GABRB3: variants seen among roughly 807,000 people sequenced by gnomAD.
GABRB3 encodes the protein gamma-aminobutyric acid receptor subunit beta-3.
GABRB3 carries 14 observed loss-of-function variants against 52.1 expected under a neutral mutation model. That is an observed-to-expected ratio of 0.27 (90% CI 0.18 to 0.42). GABRB3 has a LOEUF of 0.42. Ranked by LOEUF, GABRB3 falls within the 10% of genes least tolerant of loss-of-function variation. The probability of loss-of-function intolerance (pLI) is 1.00; values close to 1 mark genes in which losing one functional copy is unlikely to be tolerated. For synonymous variants in GABRB3, 260 were observed against 232.3 expected (o/e 1.12, Z -1.08); for missense variants, 307 against 609.1 (o/e 0.50, Z 5.22).
At chr15:26,666,521 C>G (rs948467012) in intron 3 of GABRB3, 2 of 152,218 alleles carry the variant, frequency 1.3e-5, no homozygotes, top group Non-Finnish European at 2.9e-5. Context: ...AGTTCAGAAA[C>G]TACAGGTGAA....
intron 8 of GABRB3, among the ~76,000 whole-genome samples, chr15:26,554,190 A>ATAAAGT (rs1567097853): frequency 3.2e-5 from 1 of 31,540 alleles, no homozygotes; most frequent in African/African-American, 8.5e-5. Flanking sequence ...ATATATATAT[A>ATAAAGT]CTATATATAT....
At chr15:26,678,821 C>T (rs1472761984) in intron 3 of GABRB3, among the ~76,000 whole-genome samples, 2 of 152,246 alleles carry the variant, frequency 1.3e-5, no homozygotes. Context: ...GTTTCTCTGT[C>T]CCAGATGAAA....
chr15:26,550,457 G>A (rs1263057650), intron 8 of GABRB3, among the ~76,000 whole-genome samples: 2 of 152,176 alleles, frequency 1.3e-5, no homozygotes, highest in African/African-American at 4.8e-5. Flanking sequence ...TCTCACCGCA[G>A]TTAGAATGGC....
At position 26,562,553 on chromosome 15, in the gene GABRB3, C is replaced by T. The variant is rs546474624; in HGVS notation, c.836-1377G>A. On this transcript the variant is annotated intron_variant, in intron 7 of 8. Coordinates refer to ENST00000311550, the MANE Select transcript of GABRB3 (RefSeq NM_000814.6). The stretch of plus-strand genomic sequence containing the variant: ...TCCAGATATGTACTCTGGGACGGAG[C>T]CCAGGCCATTCTGCACATGGTCCCA... Among the ~76,000 whole-genome samples the T allele has an allele frequency of 9.2e-5, 14 of 152,308 alleles. No homozygotes were observed. The South Asian group carries it at 2.9e-3, about 32-fold the overall frequency.
chr15:26,599,733 A>G (rs1007912538), intron 4 of GABRB3, among the ~76,000 whole-genome samples: 4 of 152,202 alleles, frequency 2.6e-5, no homozygotes, highest in Admixed American at 1.3e-4. Context: ...AAACAGAAAA[A>G]CAAACAAAAC....
chr15:26,685,799 C>CTT (rs371341373), intron 3 of GABRB3, among the ~76,000 whole-genome samples: 9,470 of 131,034 alleles, frequency 0.072, 406 homozygotes, highest in Middle Eastern at 0.11. Flanking sequence ...GTAAGATGGT[C>CTT]TTTTTTTTTT....
chr15:26,677,229 C>T (rs774880144), intron 3 of GABRB3, among the ~76,000 whole-genome samples: 1 of 152,178 alleles, frequency 6.6e-6, no homozygotes, highest in Non-Finnish European at 1.5e-5. Flanking sequence ...CCCCCAAATA[C>T]GTTCCCTATT....
At chr15:26,736,449 T>C (rs193063717) in intron 3 of GABRB3, among the ~76,000 whole-genome samples, 118 of 152,332 alleles carry the variant, frequency 7.7e-4, no homozygotes, top group African/African-American at 2.6e-3. Flanking sequence ...AAGGAAATAA[T>C]AAAACATGAC....
rs376637193 is a variant in GABRB3 at position 26,596,068 on chromosome 15, C to T, written c.462-12654G>A. On this transcript the variant is annotated intron_variant, in intron 4 of 8. Transcript: ENST00000311550. ...GCCTTTGGGGGTAGGCATGTACAGA[C>T]GTGCCCACTGCAGAACTACCCAACA... 2.0e-4 allele frequency among the ~76,000 whole-genome samples: 31 copies of T among 152,162 alleles called. No homozygotes were observed. The East Asian group carries it at 4.5e-3, about 22-fold the overall frequency.
intron 4 of GABRB3, among the ~76,000 whole-genome samples, chr15:26,606,701 C>T (rs1359013973): frequency 9.5e-5 from 1 of 10,566 alleles, no homozygotes; most frequent in Non-Finnish European, 5.3e-4. Context: ...CAGAAAAGAA[C>T]AAGTAAGAAG....
chr15:26,646,280 T>C (rs1043122337), intron 3 of GABRB3, among the ~76,000 whole-genome samples: 1 of 152,208 alleles, frequency 6.6e-6, no homozygotes, highest in Non-Finnish European at 1.5e-5. Flanking sequence ...GATTTGCCTA[T>C]TCTGGACATT....
intron 3 of GABRB3, among the ~76,000 whole-genome samples, chr15:26,660,806 T>C (rs1171680165): frequency 6.6e-6 from 1 of 152,208 alleles, no homozygotes; most frequent in African/African-American, 2.4e-5. Context: ...CATCTGGAAA[T>C]TATAATGAAT....
rs1889242165 is a variant in GABRB3 at position 26,546,369 on chromosome 15, T to C, written c.*1424A>G. 6.6e-6 allele frequency: 1 copy of C among 152,518 alleles called. No individual in the cohort carries two copies. The highest frequency in any genetic ancestry group is 1.5e-5 in the Non-Finnish European group (1 of 68,034). The allele number at this position is 152,518 out of a possible 1,614,324, so 9.4% of individuals were successfully genotyped here. Reference sequence around the variant, plus strand: ...GTTAAGGTTGCGTCTATGAAACCGGTGCACCTTGTCTTGTTTCTACGAGCT... The same window carrying C: ...GTTAAGGTTGCGTCTATGAAACCGGCGCACCTTGTCTTGTTTCTACGAGCT... On this transcript the variant is annotated 3_prime_UTR_variant, in exon 9 of 9. Coordinates refer to ENST00000311550, the MANE Select transcript of GABRB3 (RefSeq NM_000814.6).
At chr15:26,739,485 T>C (rs1046481710) in intron 3 of GABRB3, among the ~76,000 whole-genome samples, 2 of 152,138 alleles carry the variant, frequency 1.3e-5, no homozygotes, top group Admixed American at 6.5e-5. Context: ...AGGTGTTCAG[T>C]AAATATTTGC....
At chr15:26,655,793 T>C (rs563267786) in intron 3 of GABRB3, among the ~76,000 whole-genome samples, 14 of 151,964 alleles carry the variant, frequency 9.2e-5, no homozygotes, top group Admixed American at 2.6e-4. Flanking sequence ...CTTGTACCTG[T>C]TGGTGCCTGT....
In GABRB3 at chr15:26,544,404, G is replaced by A. The variant is rs2140636939; in HGVS notation, c.*3389C>T. 6.5e-6 allele frequency: 1 copy of A among 152,720 alleles called. No individual in the cohort carries two copies. The highest frequency in any genetic ancestry group is 1.9e-4 in the East Asian group (1 of 5,172). 9.5% of individuals were successfully genotyped at this position (152,720 alleles called of 1,614,324 possible). A position where few individuals can be genotyped will look rare whatever the true frequency, so the allele number is the denominator to read the frequency against. ...CGCTGTGTTTGGACAAGAGAGAAGT[G>A]CCTTTCAGGGAGTGACTGAACATGT... On this transcript the variant is annotated 3_prime_UTR_variant, in exon 9 of 9. Transcript: ENST00000311550.
intron 4 of GABRB3, among the ~76,000 whole-genome samples, chr15:26,587,436 G>A (rs1336661224): frequency 6.6e-6 from 1 of 152,214 alleles, no homozygotes. Context: ...AAAAGAGAGA[G>A]AGTAGGGGTG....
intron 3 of GABRB3, among the ~76,000 whole-genome samples, chr15:26,643,077 C>G (rs1225034865): frequency 6.6e-6 from 1 of 152,188 alleles, no homozygotes; most frequent in African/African-American, 2.4e-5. Flanking sequence ...CTTAGACTGT[C>G]TCCTCCATTC....
chr15:26,773,274 C>T (rs1408068745), upstream of GABRB3, among the ~76,000 whole-genome samples: 3 of 150,288 alleles, frequency 2.0e-5, no homozygotes, highest in East Asian at 3.9e-4. Flanking sequence ...CGCTCCCCTC[C>T]CGCCTCGGCG....
Sources: gnomAD v4.1 joint callset for allele counts (sites outside exome capture counted in the v4.1 genomes callset) on GRCh38, gnomAD v4.1.1 for gene constraint, MANE v1.5 for transcripts, NCBI Gene and HGNC (gene_info 2026-07-23, HGNC 2026-07-21) for gene names.